The following SH3RF3 variants were observed in gnomAD, a reference collection of about 807,000 sequenced individuals.
SH3RF3 encodes SH3 domain containing ring finger 3.
Under a neutral mutation model 66.3 loss-of-function variants are expected in SH3RF3, and 29 were observed. That is an observed-to-expected ratio of 0.44 (90% CI 0.33 to 0.60). The LOEUF (loss-of-function observed/expected upper bound fraction) is 0.60, where lower values mean the gene tolerates loss of function less well. Among genes scored for constraint, SH3RF3 ranks in the 20% least tolerant of loss-of-function variants. The pLI, the probability that SH3RF3 is intolerant of heterozygous loss-of-function variation, is 0.04. For synonymous variants in SH3RF3, 583 were observed against 532.0 expected (o/e 1.10, Z -1.32); for missense variants, 1,194 against 1,190.9 (o/e 1.00, Z -0.04).
chr2:109,256,779 G>C (rs1280831331), intron 1 of SH3RF3, among the ~76,000 whole-genome samples: 1 of 152,244 alleles, frequency 6.6e-6, no homozygotes, highest in Non-Finnish European at 1.5e-5. Flanking sequence ...GGAGAAAACA[G>C]TGAAGTGGGA....
rs1485461167 is a variant in SH3RF3 at position 109,502,403 on chromosome 2, G to A, written c.*732G>A. 6.6e-6 allele frequency: 1 copy of A among 152,158 alleles called. No homozygotes were observed. The highest frequency in any genetic ancestry group is 1.5e-5 in the Non-Finnish European group (1 of 68,030). 9.4% of individuals were successfully genotyped at this position (152,158 alleles called of 1,614,324 possible). A position where few individuals can be genotyped will look rare whatever the true frequency, so the allele number is the denominator to read the frequency against. On this transcript the variant is annotated 3_prime_UTR_variant, in exon 10 of 10. Coordinates refer to ENST00000309415, the MANE Select transcript of SH3RF3 (RefSeq NM_001099289.3). ...GACATTGCCTATTTTTCATACATCT[G>A]GTGCTGCCTTTTTGTAAAACTAATA...
chr2:109,318,415 TA>T (rs1197133441), intron 1 of SH3RF3, among the ~76,000 whole-genome samples: 1 of 152,090 alleles, frequency 6.6e-6, no homozygotes, highest in Non-Finnish European at 1.5e-5. Flanking sequence ...GCCAGAAGAT[TA>T]GGAGGGAATT....
intron 1 of SH3RF3, among the ~76,000 whole-genome samples, chr2:109,190,402 G>A (rs538074377): frequency 1.3e-3 from 203 of 152,334 alleles, no homozygotes; most frequent in Middle Eastern, 3.4e-3. Flanking sequence ...TCAAATTCCT[G>A]ACCTCAGGCG....
At chr2:109,285,805 C>T (rs990623267) in intron 1 of SH3RF3, among the ~76,000 whole-genome samples, 6 of 152,242 alleles carry the variant, frequency 3.9e-5, no homozygotes, top group African/African-American at 1.4e-4. Flanking sequence ...AGAGAGCATC[C>T]TCCTTCCAGT....
intron 6 of SH3RF3, among the ~76,000 whole-genome samples, chr2:109,436,269 A>G (rs1677394728): frequency 2.0e-5 from 3 of 152,216 alleles, no homozygotes; most frequent in African/African-American, 7.2e-5. Flanking sequence ...CAGGACATGG[A>G]TTAATTGCAA....
At chr2:109,217,807 T>C (rs946665071) in intron 1 of SH3RF3, among the ~76,000 whole-genome samples, 4 of 152,280 alleles carry the variant, frequency 2.6e-5, no homozygotes, top group African/African-American at 9.6e-5. Flanking sequence ...GCTGTGGTGC[T>C]GGGCAGGCTG....
chr2:109,176,044 C>T (rs942436170), intron 1 of SH3RF3, among the ~76,000 whole-genome samples: 2 of 152,226 alleles, frequency 1.3e-5, no homozygotes, highest in African/African-American at 4.8e-5. Context: ...ACTCTGTCTT[C>T]ACTGGGGGCC....
chr2:109,225,291 G>A (rs1263807484), intron 1 of SH3RF3, among the ~76,000 whole-genome samples: 1 of 152,202 alleles, frequency 6.6e-6, no homozygotes, highest in Non-Finnish European at 1.5e-5. Context: ...CGGCTGAATA[G>A]TCCTCAAACC....
intron 8 of SH3RF3, among the ~76,000 whole-genome samples, chr2:109,468,830 G>A (rs1678427482): frequency 6.8e-6 from 1 of 146,808 alleles, no homozygotes; most frequent in South Asian, 2.2e-4. Context: ...CTCCAGCCTG[G>A]GCAACAAAGC....
intron 1 of SH3RF3, among the ~76,000 whole-genome samples, chr2:109,203,126 C>T (rs776573973): frequency 1.6e-4 from 25 of 152,176 alleles, no homozygotes; most frequent in East Asian, 5.8e-4. Flanking sequence ...TGGGCCTGTC[C>T]GTGTCCTCAG....
chr2:109,138,193 A>AT (rs961068396), intron 1 of SH3RF3, among the ~76,000 whole-genome samples: 12 of 152,070 alleles, frequency 7.9e-5, no homozygotes, highest in African/African-American at 2.9e-4. Context: ...CGCCCGGCTA[A>AT]TTTTTTAATA....
intron 1 of SH3RF3, among the ~76,000 whole-genome samples, chr2:109,215,647 G>A (rs73952882): frequency 0.018 from 2,796 of 152,178 alleles, 104 homozygotes; most frequent in African/African-American, 0.063. Flanking sequence ...AGGGTGCTGG[G>A]CTCTCACCTA....
At chr2:109,327,997 G>A (rs1292615690) in intron 1 of SH3RF3, among the ~76,000 whole-genome samples, 1 of 152,204 alleles carries the variant, frequency 6.6e-6, no homozygotes. Flanking sequence ...TCAACATGGT[G>A]CCAAGCTTAT....
At chr2:109,190,088 G>C (rs983318102) in intron 1 of SH3RF3, among the ~76,000 whole-genome samples, 1 of 152,186 alleles carries the variant, frequency 6.6e-6, no homozygotes, top group Non-Finnish European at 1.5e-5. Context: ...AACTTTTCCC[G>C]TGATCATATG....
At chr2:109,155,678 A>G (rs1366038298) in intron 1 of SH3RF3, among the ~76,000 whole-genome samples, 1 of 152,120 alleles carries the variant, frequency 6.6e-6, no homozygotes, top group African/African-American at 2.4e-5. Context: ...CTCCATCTTG[A>G]ATTGTAACAC....
At chr2:109,270,367 A>G (rs1434962782) in intron 1 of SH3RF3, among the ~76,000 whole-genome samples, 1 of 152,152 alleles carries the variant, frequency 6.6e-6, no homozygotes, top group African/African-American at 2.4e-5. Context: ...GCCTAGCGGG[A>G]TAGGCAGGCT....
chr2:109,184,895 C>T (rs1401943748), intron 1 of SH3RF3, among the ~76,000 whole-genome samples: 2 of 152,242 alleles, frequency 1.3e-5, no homozygotes, highest in Non-Finnish European at 2.9e-5. Flanking sequence ...GCGAAAAAGG[C>T]CTCATCAAAC....
At chr2:109,472,550 T>C (rs1255899402) in intron 8 of SH3RF3, among the ~76,000 whole-genome samples, 1 of 152,158 alleles carries the variant, frequency 6.6e-6, no homozygotes, top group Non-Finnish European at 1.5e-5. Context: ...CCGATCCAAT[T>C]GATGAACCGA....
rs1425898456 is a variant in SH3RF3, at chr2:109,490,536, CCTCTCTCTGA to C, written c.2149-67_2149-58del. On this transcript the variant is annotated intron_variant, in intron 8 of 9. Transcript: ENST00000309415. ...AGTTCCACATAGGAAGATGCATTCCCCTCTCTCTGACAGCAAGGGCATTGGGAAGCATTCA... is the reference window on the plus strand; with the variant it reads ...AGTTCCACATAGGAAGATGCATTCCCCAGCAAGGGCATTGGGAAGCATTCA... The C allele has an allele frequency of 8.0e-6, 10 of 1,248,850 alleles. No individual in the cohort carries two copies. The East Asian group carries it at 2.8e-4, about 35-fold the overall frequency. The allele number at this position is 1,248,850 out of a possible 1,614,324, so 77.4% of individuals were successfully genotyped here. A position where few individuals can be genotyped will look rare whatever the true frequency, so the allele number is the denominator to read the frequency against.
Sources: allele counts gnomAD v4.1 joint callset (sites outside exome capture counted in the v4.1 genomes callset), GRCh38; gene constraint gnomAD v4.1.1; transcripts MANE v1.5; gene names NCBI Gene and HGNC (gene_info 2026-07-23, HGNC 2026-07-21).